The following ABLIM3 variants were observed in gnomAD, a reference collection of about 807,000 sequenced individuals.
The protein encoded by ABLIM3 is actin-binding LIM protein 3.
ABLIM3 carries 61 observed loss-of-function variants against 109.5 expected under a neutral mutation model. The ratio of observed to expected loss-of-function variants is 0.56; its 90% CI spans 0.45 to 0.69. The LOEUF (loss-of-function observed/expected upper bound fraction) is 0.69, where lower values mean the gene tolerates loss of function less well. Ranked by LOEUF, ABLIM3 falls within the 30% of genes least tolerant of loss-of-function variation. ABLIM3 has a pLI of 0.00. For synonymous variants in ABLIM3, 300 were observed against 324.8 expected (o/e 0.92, Z 0.82); for missense variants, 796 against 889.5 (o/e 0.89, Z 1.34).
At chr5:149,214,666 G>A (rs1176575103) in intron 7 of ABLIM3, among the ~76,000 whole-genome samples, 1 of 152,308 alleles carries the variant, frequency 6.6e-6, no homozygotes, top group Non-Finnish European at 1.5e-5. Flanking sequence ...ACATCGTCTG[G>A]CACACTGCAG....
intron 4 of ABLIM3, among the ~76,000 whole-genome samples, chr5:149,199,689 G>A (rs777832082): frequency 1.2e-4 from 19 of 152,242 alleles, no homozygotes; most frequent in Non-Finnish European, 2.2e-4. Flanking sequence ...GTGCTGTGCT[G>A]AGAGTCCTCA....
intron 2 of ABLIM3, among the ~76,000 whole-genome samples, chr5:149,143,943 C>A (rs1055523480): frequency 6.6e-6 from 1 of 152,118 alleles, no homozygotes; most frequent in African/African-American, 2.4e-5. Flanking sequence ...ATCTATTTTT[C>A]AAGGAACTAA....
At chr5:149,152,161 A>G (rs968736268) in intron 2 of ABLIM3, among the ~76,000 whole-genome samples, 1 of 152,200 alleles carries the variant, frequency 6.6e-6, no homozygotes, top group Non-Finnish European at 1.5e-5. Flanking sequence ...ACAGCAATCA[A>G]TAGGATTGCC....
At chr5:149,221,619 A>T (rs1436539830) in intron 8 of ABLIM3, among the ~76,000 whole-genome samples, 2 of 152,210 alleles carry the variant, frequency 1.3e-5, no homozygotes, top group Non-Finnish European at 2.9e-5. Context: ...CTGTGTTTGT[A>T]AAGATGCCAA....
At chr5:149,184,845 A>G (rs1300488746) in intron 3 of ABLIM3, among the ~76,000 whole-genome samples, 1 of 152,212 alleles carries the variant, frequency 6.6e-6, no homozygotes, top group Non-Finnish European at 1.5e-5. Context: ...TGATCTAACT[A>G]GACTCTGCAC....
At chr5:149,152,231 A>C (rs1753499709) in intron 2 of ABLIM3, among the ~76,000 whole-genome samples, 2 of 152,192 alleles carry the variant, frequency 1.3e-5, no homozygotes, top group Non-Finnish European at 2.9e-5. Flanking sequence ...TTCCTATTAA[A>C]TTACACAGTG....
chr5:149,239,702 C>T (rs1371966126), intron 12 of ABLIM3, 57 bp from the exon 13 acceptor site: 25 of 1,523,818 alleles, frequency 1.6e-5, no homozygotes, highest in Middle Eastern at 1.8e-4. Flanking sequence ...GCTAGACCCT[C>T]GGGCCACAGG....
Position 149,230,853 on chromosome 5 carries a change from G to A in ABLIM3, c.816+146G>A, listed in dbSNP as rs966094278. ...GCCTATGTCCTTGGATTTTCCTAAC[G>A]GTAACACCTGCCCCATGGGGTTTTT... On this transcript the variant is annotated intron_variant, in intron 9 of 23. Coordinates refer to ENST00000309868, the MANE Select transcript of ABLIM3 (RefSeq NM_014945.5). The A allele has an allele frequency of 2.3e-5, 20 of 885,284 alleles. No individual in the cohort carries two copies. The African/African-American group carries it at 2.8e-4, about 13-fold the overall frequency. The allele number at this position is 885,284 out of a possible 1,614,324, so 54.8% of individuals were successfully genotyped here. A position where few individuals can be genotyped will look rare whatever the true frequency, so the allele number is the denominator to read the frequency against.
At position 149,143,346 on chromosome 5, in the gene ABLIM3, G is replaced by C. The variant is rs183557846; in HGVS notation, c.13+1238G>C. Reference sequence around the variant, plus strand: ...CCACTGCACTCCAGCCTGGGCGACAGAGTGAGACTCTGTCTCAAAAAATAA... The same window carrying C: ...CCACTGCACTCCAGCCTGGGCGACACAGTGAGACTCTGTCTCAAAAAATAA... On this transcript the variant is annotated intron_variant, in intron 2 of 23. Transcript: ENST00000309868. Among the ~76,000 whole-genome samples, 269 of 152,074 alleles carry C rather than the reference G, an allele frequency of 1.8e-3. 1 individual carries two copies. Among genetic ancestry groups the C allele is most frequent in the African/African-American group, 6.1e-3 (252 of 41,512 alleles).
intron 4 of ABLIM3, among the ~76,000 whole-genome samples, chr5:149,199,976 G>A (rs1453689631): frequency 6.6e-6 from 1 of 152,202 alleles, no homozygotes; most frequent in Non-Finnish European, 1.5e-5. Flanking sequence ...CTTAACATAT[G>A]GGGATAAATC....
chr5:149,252,981 T>A (rs1754080585), intron 23 of ABLIM3, 144 bp downstream of exon 23: 1 of 615,270 alleles, frequency 1.6e-6, no homozygotes, highest in Non-Finnish European at 2.8e-6. Context: ...TTGAACCAAT[T>A]TCCTCAGCCC....
In ABLIM3 at chr5:149,229,599, A is replaced by G. The variant is rs192298574; in HGVS notation, c.758-1050A>G. 8.1e-3 allele frequency among the ~76,000 whole-genome samples: 1,236 copies of G among 152,376 alleles called. 18 individuals carry two copies. Among genetic ancestry groups the G allele is most frequent in the African/African-American group, 0.029 (1,188 of 41,590 alleles). ...TCCTGGGGGTTCCAGGCAACAAAGC[A>G]TAATATAAAGTATATCCTAGAGACA... is the stretch of plus-strand genomic sequence containing the variant. On this transcript the variant is annotated intron_variant, in intron 8 of 23. Transcript: ENST00000309868.
intron 2 of ABLIM3, among the ~76,000 whole-genome samples, chr5:149,170,480 C>A (rs1234006869): frequency 1.3e-5 from 2 of 152,112 alleles, no homozygotes; most frequent in Non-Finnish European, 2.9e-5. Context: ...AACCACTACT[C>A]GCCCACCTCA....
At chr5:149,212,269 C>T (rs1247016223) in intron 7 of ABLIM3, among the ~76,000 whole-genome samples, 1 of 152,128 alleles carries the variant, frequency 6.6e-6, no homozygotes, top group Non-Finnish European at 1.5e-5. Context: ...ATTTAAGCAT[C>T]TCGAGAGCTG....
At chr5:149,256,685 A>G (rs1194578541) in intron 23 of ABLIM3, among the ~76,000 whole-genome samples, 1 of 152,274 alleles carries the variant, frequency 6.6e-6, no homozygotes, top group Non-Finnish European at 1.5e-5. Context: ...TGAAGTGCAT[A>G]GGAATGAACT....
At position 149,200,402 on chromosome 5, in the gene ABLIM3, A is replaced by T; in HGVS notation, c.422A>T (p.Lys141Met). 1 of 1,614,230 alleles carries T rather than the reference A, an allele frequency of 6.2e-7. No individual in the cohort carries two copies. Among genetic ancestry groups the T allele is most frequent in the Non-Finnish European group, 8.5e-7 (1 of 1,180,044 alleles). ...QTCSQSMASS[K>M]PIKIRGPSHC... Reference sequence around the variant, plus strand: ...TGCTCCCAGTCCATGGCCAGCAGTAAGCCCATCAAGATTCGTGGACCAAGC... The same window carrying T: ...TGCTCCCAGTCCATGGCCAGCAGTATGCCCATCAAGATTCGTGGACCAAGC... Residue 141 changes from lysine (K) to methionine (M), a missense_variant, in exon 5 of 24, where the codon AAG (lysine) becomes ATG (methionine). Coordinates refer to ENST00000309868, the MANE Select transcript of ABLIM3 (RefSeq NM_014945.5).
chr5:149,152,095 T>C (rs1753486051), intron 2 of ABLIM3, among the ~76,000 whole-genome samples: 1 of 152,208 alleles, frequency 6.6e-6, no homozygotes, highest in Non-Finnish European at 1.5e-5. Context: ...TCTGGCTCTC[T>C]TAAAAACAAA....
chr5:149,181,403 T>A (rs570801705), intron 2 of ABLIM3, among the ~76,000 whole-genome samples: 22 of 152,322 alleles, frequency 1.4e-4, no homozygotes, highest in Admixed American at 1.1e-3. Context: ...TTGCATGTAT[T>A]GACCTATTTA....
At chr5:149,153,106 C>T (rs1753579624) in intron 2 of ABLIM3, among the ~76,000 whole-genome samples, 1 of 152,082 alleles carries the variant, frequency 6.6e-6, no homozygotes, top group Non-Finnish European at 1.5e-5. Context: ...CTTTCCTAAG[C>T]TCTAGGGTCA....
Sources: gnomAD v4.1 joint callset for allele counts (sites outside exome capture counted in the v4.1 genomes callset) on GRCh38, gnomAD v4.1.1 for gene constraint, MANE v1.5 for transcripts, NCBI Gene and HGNC (gene_info 2026-07-23, HGNC 2026-07-21) for gene names.